The following GRIK2 variants were observed in gnomAD, a reference collection of about 807,000 sequenced individuals.
GRIK2 encodes glutamate ionotropic receptor kainate type subunit 2, also known as glutamate receptor ionotropic, kainate 2.
In GRIK2, 32 loss-of-function variants were observed where a neutral mutation model predicts 100.3. That is an observed-to-expected ratio of 0.32 (90% CI 0.24 to 0.43). GRIK2 has a LOEUF of 0.43. Among genes scored for constraint, GRIK2 ranks in the 20% least tolerant of loss-of-function variants. GRIK2 has a pLI of 1.00. For synonymous variants in GRIK2, 417 were observed against 389.4 expected, an observed-to-expected ratio of 1.07 and a Z score of -0.83; for missense variants, 843 against 1,114.9, an observed-to-expected ratio of 0.76 and a Z score of 3.47.
At chr6:101,758,244 A>G (rs1383718442) in intron 7 of GRIK2, among the ~76,000 whole-genome samples, 1 of 152,194 alleles carries the variant, frequency 6.6e-6, no homozygotes, top group African/African-American at 2.4e-5. Flanking sequence ...AAAATTAAAT[A>G]AATAAATGAA....
intron 2 of GRIK2, among the ~76,000 whole-genome samples, chr6:101,409,924 A>G (rs983037189): frequency 4.6e-5 from 7 of 152,064 alleles, no homozygotes; most frequent in African/African-American, 1.4e-4. Context: ...TAAATTATTC[A>G]TTAAAAATCT....
At chr6:101,994,503 A>G (rs2128493174) in intron 14 of GRIK2, among the ~76,000 whole-genome samples, 1 of 152,002 alleles carries the variant, frequency 6.6e-6, no homozygotes, top group African/African-American at 2.4e-5. Flanking sequence ...TTATATCACA[A>G]AAATGACTGA....
At chr6:101,942,957 C>T (rs1354963355) in intron 14 of GRIK2, among the ~76,000 whole-genome samples, 1 of 152,192 alleles carries the variant, frequency 6.6e-6, no homozygotes, top group East Asian at 1.9e-4. Flanking sequence ...AGGAAAATGT[C>T]TCCAAGGCAT....
intron 14 of GRIK2, among the ~76,000 whole-genome samples, chr6:101,955,617 C>CTCTCTCTCTCTCTCTCTATCTCTCT (rs1376723314): frequency 8.6e-6 from 1 of 116,362 alleles, no homozygotes; most frequent in Admixed American, 9.5e-5. Context: ...TCTCTCTCTC[C>CTCTCTCTCTCTCTCTCTATCTCTCT]CCCCCATTTC....
chr6:102,000,089 G>C (rs1794856507), intron 14 of GRIK2, among the ~76,000 whole-genome samples: 1 of 151,870 alleles, frequency 6.6e-6, no homozygotes, highest in South Asian at 2.1e-4. Flanking sequence ...GTTCATGAGG[G>C]ATATTGGTCT....
intron 2 of GRIK2, among the ~76,000 whole-genome samples, chr6:101,594,721 T>C (rs1393988289): frequency 6.6e-6 from 1 of 151,780 alleles, no homozygotes; most frequent in Non-Finnish European, 1.5e-5. Flanking sequence ...CAAAGCCAGG[T>C]TGAAGGCATT....
intron 10 of GRIK2, among the ~76,000 whole-genome samples, chr6:101,848,091 A>G (rs1783912575): frequency 6.6e-6 from 1 of 152,030 alleles, no homozygotes; most frequent in African/African-American, 2.4e-5. Context: ...TAAGGTCCAT[A>G]TGGTTTCCTA....
intron 10 of GRIK2, among the ~76,000 whole-genome samples, chr6:101,843,952 G>C (rs1362400082): frequency 6.6e-6 from 1 of 152,064 alleles, no homozygotes; most frequent in Non-Finnish European, 1.5e-5. Context: ...CTTAAGAGTA[G>C]ATATCATATC....
At chr6:101,502,094 T>A (rs1392645468) in intron 2 of GRIK2, among the ~76,000 whole-genome samples, 1 of 152,192 alleles carries the variant, frequency 6.6e-6, no homozygotes, top group East Asian at 1.9e-4. Flanking sequence ...TGATAATAAC[T>A]GATACAATAA....
chr6:102,043,412 C>T (rs1254926536), intron 15 of GRIK2, among the ~76,000 whole-genome samples: 1 of 151,628 alleles, frequency 6.6e-6, no homozygotes, highest in African/African-American at 2.4e-5. Flanking sequence ...ACCCTTTGAC[C>T]ATCATCTCCC....
rs75598289 is a variant in GRIK2 at position 102,028,209 on chromosome 6, A to G, written c.2086-7132A>G. ...ATATTTACATTGTATGCTCTTTTTA[A>G]TACACAAAATCATTTGGCAATTGTG... On this transcript the variant is annotated intron_variant, in intron 14 of 16. Coordinates refer to ENST00000369134, the MANE Select transcript of GRIK2 (RefSeq NM_021956.5). Among the ~76,000 whole-genome samples, 216 of 151,304 alleles carry G rather than the reference A, an allele frequency of 1.4e-3. 6 individuals are homozygous for G. In the East Asian group the frequency reaches 0.041, roughly 29 times the overall value.
At chr6:101,598,776 G>A (rs889556992) in intron 2 of GRIK2, among the ~76,000 whole-genome samples, 4 of 151,478 alleles carry the variant, frequency 2.6e-5, no homozygotes, top group Admixed American at 1.3e-4. Context: ...GCAAGTAGCA[G>A]TTTTTTAACA....
intron 15 of GRIK2, among the ~76,000 whole-genome samples, chr6:102,046,787 C>G (rs1274837154): frequency 3.3e-5 from 5 of 152,116 alleles, no homozygotes; most frequent in Non-Finnish European, 7.4e-5. Flanking sequence ...ATGTAACATT[C>G]TCCAAGACAG....
At chr6:101,843,970 C>A (rs965142976) in intron 10 of GRIK2, among the ~76,000 whole-genome samples, 1 of 152,000 alleles carries the variant, frequency 6.6e-6, no homozygotes, top group Non-Finnish European at 1.5e-5. Context: ...ATCTTTTTAG[C>A]CTTTTCATCT....
At position 101,938,644 on chromosome 6, in the gene GRIK2, A is replaced by T. The variant is rs1934670; in HGVS notation, c.2085+10012A>T. Among the ~76,000 whole-genome samples the T allele has an allele frequency of 4.1e-4, 62 of 152,188 alleles. 1 individual carries two copies. The highest frequency in any genetic ancestry group is 1.5e-3 in the African/African-American group (62 of 41,536). On this transcript the variant is annotated intron_variant, in intron 14 of 16. Coordinates refer to ENST00000369134, the MANE Select transcript of GRIK2 (RefSeq NM_021956.5). ...TGAGCACTTTGATTGATGTGTATTC[A>T]GAGAAGTACTTTAATAATTTTATAA...
At chr6:101,633,626 T>C in intron 4 of GRIK2, among the ~76,000 whole-genome samples, 1 of 152,192 alleles carries the variant, frequency 6.6e-6, no homozygotes, top group South Asian at 2.1e-4. Context: ...GCTTGTTTAT[T>C]ATAGGAAATT....
chr6:101,965,323 C>T (rs750943160), intron 14 of GRIK2, among the ~76,000 whole-genome samples: 31 of 151,948 alleles, frequency 2.0e-4, no homozygotes, highest in Admixed American at 3.9e-4. Context: ...ATTTGTAAAC[C>T]TTATTTTTTC....
intron 2 of GRIK2, among the ~76,000 whole-genome samples, chr6:101,567,614 T>G (rs1205075211): frequency 6.6e-6 from 1 of 151,988 alleles, no homozygotes; most frequent in Non-Finnish European, 1.5e-5. Flanking sequence ...GCTATAATGC[T>G]GCCAGCTTCA....
At chr6:101,783,111 G>A (rs1779202846) in intron 7 of GRIK2, among the ~76,000 whole-genome samples, 1 of 151,966 alleles carries the variant, frequency 6.6e-6, no homozygotes, top group African/African-American at 2.4e-5. Context: ...ACCCGCCTCG[G>A]CCTCTCAAAG....
Sources: allele counts gnomAD v4.1 joint callset (sites outside exome capture counted in the v4.1 genomes callset), GRCh38; gene constraint gnomAD v4.1.1; transcripts MANE v1.5; gene names NCBI Gene and HGNC (gene_info 2026-07-23, HGNC 2026-07-21).